PCCA: variants seen among roughly 807,000 people sequenced by gnomAD.
PCCA encodes the protein propionyl-CoA carboxylase subunit alpha, also known as propionyl-CoA carboxylase alpha chain, mitochondrial.
In PCCA, 74 loss-of-function variants were observed where a neutral mutation model predicts 101.3. The observed-to-expected ratio is 0.73, with a 90% CI of 0.61 to 0.89. The LOEUF (loss-of-function observed/expected upper bound fraction) is 0.89. Among genes scored for constraint, PCCA ranks in the 40% least tolerant of loss-of-function variants. The pLI is 0.00. For synonymous variants in PCCA, 294 were observed against 313.6 expected, an observed-to-expected ratio of 0.94 and a Z score of 0.66; for missense variants, 891 against 907.0, an observed-to-expected ratio of 0.98 and a Z score of 0.23.
intron 7 of PCCA, among the ~76,000 whole-genome samples, chr13:100,219,780 C>T (rs1566733529): frequency 6.6e-6 from 1 of 152,196 alleles, no homozygotes; most frequent in African/African-American, 2.4e-5. Context: ...TCCCAATTCT[C>T]TTGAATAAAA....
chr13:100,467,368 G>T (rs139661998), intron 21 of PCCA, among the ~76,000 whole-genome samples: 3 of 152,218 alleles, frequency 2.0e-5, no homozygotes, highest in African/African-American at 7.2e-5. Context: ...TAGCGGGGGA[G>T]GAGTGGGCAC....
chr13:100,144,361 C>T (rs996770287), intron 4 of PCCA, among the ~76,000 whole-genome samples: 1 of 152,074 alleles, frequency 6.6e-6, no homozygotes, highest in Non-Finnish European at 1.5e-5. Context: ...AGAAAGCCAG[C>T]TTTTAGAGTT....
intron 20 of PCCA, among the ~76,000 whole-genome samples, chr13:100,444,613 T>G (rs916679691): frequency 6.6e-6 from 1 of 151,894 alleles, no homozygotes. Context: ...CAGCTAATTT[T>G]TGTATTTTTA....
intron 4 of PCCA, among the ~76,000 whole-genome samples, chr13:100,120,381 G>A (rs2049261789): frequency 6.6e-6 from 1 of 151,812 alleles, no homozygotes; most frequent in African/African-American, 2.4e-5. Flanking sequence ...TTTTTTGTGA[G>A]CCAAGCTCTT....
intron 16 of PCCA, among the ~76,000 whole-genome samples, chr13:100,314,946 C>T (rs1457749076): frequency 6.6e-6 from 1 of 152,136 alleles, no homozygotes; most frequent in Non-Finnish European, 1.5e-5. Context: ...GCAATGTTAG[C>T]AGTGTTAGGC....
chr13:100,331,629 G>A (rs1001852799), intron 17 of PCCA, among the ~76,000 whole-genome samples: 1 of 152,094 alleles, frequency 6.6e-6, no homozygotes, highest in Admixed American at 6.6e-5. Context: ...TTTATCATTA[G>A]TATTAAGGCA....
chr13:100,470,911 T>C (rs2082961600), intron 21 of PCCA, among the ~76,000 whole-genome samples: 1 of 152,158 alleles, frequency 6.6e-6, no homozygotes, highest in Non-Finnish European at 1.5e-5. Flanking sequence ...TATTTCACTT[T>C]CCTATCATCC....
intron 18 of PCCA, among the ~76,000 whole-genome samples, chr13:100,342,094 A>G (rs551806590): frequency 5.3e-5 from 8 of 151,740 alleles, no homozygotes; most frequent in African/African-American, 1.9e-4. Context: ...CTTGTGCAAG[A>G]TAAACAGCAG....
chr13:100,159,544 ATAACT>A lies in PCCA; in HGVS notation c.468+2206_468+2210del, dbSNP rs747176071. 5.9e-5 allele frequency among the ~76,000 whole-genome samples: 9 copies of A among 152,324 alleles called. No homozygotes were observed. The East Asian group carries it at 1.3e-3, about 23-fold the overall frequency. On this transcript the variant is annotated intron_variant, in intron 6 of 23. Transcript: ENST00000376285. ...TTACGGAAAATAAGTTGATACACAAATAACTTCACTTCAGGGAAGAAAATACTGTG... is the reference window on the plus strand; with the variant it reads ...TTACGGAAAATAAGTTGATACACAAATCACTTCAGGGAAGAAAATACTGTG...
In PCCA at chr13:100,446,265, A is replaced by G. The variant is rs185899542; in HGVS notation, c.1846-2987A>G. On this transcript the variant is annotated intron_variant, in intron 20 of 23. Transcript: ENST00000376285. ...GGCTGGTCTCAAACTCCTGACCTCA[A>G]ATGATCCACCCACCTTAGCCTCCCA... Among the ~76,000 whole-genome samples, 33 of 152,024 alleles carry G rather than the reference A, an allele frequency of 2.2e-4. No individual in the cohort carries two copies. The East Asian group carries it at 4.9e-3, about 22-fold the overall frequency.
intron 19 of PCCA, among the ~76,000 whole-genome samples, chr13:100,379,156 G>T (rs2076085741): frequency 6.6e-6 from 1 of 152,128 alleles, no homozygotes; most frequent in African/African-American, 2.4e-5. Flanking sequence ...GGTGCATGTG[G>T]TAGTCACTGT....
intron 4 of PCCA, among the ~76,000 whole-genome samples, chr13:100,152,893 G>A (rs578160220): frequency 6.6e-6 from 1 of 152,202 alleles, no homozygotes; most frequent in East Asian, 1.9e-4. Context: ...AATACTATTA[G>A]GATTCTCTCT....
intron 21 of PCCA, among the ~76,000 whole-genome samples, chr13:100,482,212 A>C (rs1596109782): frequency 6.6e-6 from 1 of 152,204 alleles, no homozygotes; most frequent in East Asian, 1.9e-4. Context: ...TCGTGAGTGC[A>C]AGTGTGGTTG....
intron 16 of PCCA, among the ~76,000 whole-genome samples, chr13:100,313,870 A>C (rs2067125791): frequency 6.6e-6 from 1 of 152,122 alleles, no homozygotes; most frequent in Non-Finnish European, 1.5e-5. Context: ...ACACCCAAGG[A>C]AAATTGACAG....
In PCCA at chr13:100,269,326, G is replaced by A. The variant is rs192433310; in HGVS notation, c.914+543G>A. 3.8e-3 allele frequency among the ~76,000 whole-genome samples: 580 copies of A among 152,220 alleles called. 6 individuals are homozygous for A. The highest frequency in any genetic ancestry group is 0.013 in the African/African-American group (556 of 41,538). ...GGGTTTTTATTAGAGGAGAAAGTTG[G>A]GTAGACAGCCAACTGTGACTTCTGC... On this transcript the variant is annotated intron_variant, in intron 11 of 23. Coordinates refer to ENST00000376285, the MANE Select transcript of PCCA (RefSeq NM_000282.4).
intron 4 of PCCA, among the ~76,000 whole-genome samples, chr13:100,145,246 A>G (rs755296863): frequency 9.9e-5 from 15 of 152,250 alleles, no homozygotes; most frequent in South Asian, 4.1e-4. Context: ...TAGGTTCTCA[A>G]CAGTGGCATT....
intron 20 of PCCA, among the ~76,000 whole-genome samples, chr13:100,441,318 C>T (rs953045033): frequency 1.3e-5 from 2 of 152,142 alleles, no homozygotes; most frequent in African/African-American, 4.8e-5. Flanking sequence ...GCCTTTAAAA[C>T]ATATTACCAA....
chr13:100,199,051 C>T (rs1299857383), intron 6 of PCCA, among the ~76,000 whole-genome samples: 2 of 151,784 alleles, frequency 1.3e-5, no homozygotes, highest in Non-Finnish European at 2.9e-5. Flanking sequence ...AAGTTGGTGG[C>T]TACTCTGAAA....
At chr13:100,527,092 T>G (rs2087898643) in intron 22 of PCCA, among the ~76,000 whole-genome samples, 1 of 151,986 alleles carries the variant, frequency 6.6e-6, no homozygotes, top group Non-Finnish European at 1.5e-5. Context: ...ATATGTATAT[T>G]TGGTGGTGGT....
Sources: gnomAD v4.1 joint callset for allele counts (sites outside exome capture counted in the v4.1 genomes callset) on GRCh38, gnomAD v4.1.1 for gene constraint, MANE v1.5 for transcripts, NCBI Gene and HGNC (gene_info 2026-07-23, HGNC 2026-07-21) for gene names.